The following FER variants were observed in gnomAD, a reference collection of about 807,000 sequenced individuals.
The protein encoded by FER is tyrosine-protein kinase Fer.
In FER, 63 loss-of-function variants were observed where a neutral mutation model predicts 111.0. The ratio of observed to expected loss-of-function variants is 0.57; its 90% CI spans 0.46 to 0.70. The LOEUF is 0.70. Ranked by LOEUF, FER falls within the 30% of genes least tolerant of loss-of-function variation. The pLI is 0.00. For synonymous variants in FER, 327 were observed against 313.9 expected, an observed-to-expected ratio of 1.04 and a Z score of -0.44; for missense variants, 914 against 954.0, an observed-to-expected ratio of 0.96 and a Z score of 0.55.
intron 16 of FER, among the ~76,000 whole-genome samples, chr5:109,060,675 T>G (rs975105828): frequency 9.2e-5 from 14 of 151,788 alleles, no homozygotes; most frequent in Non-Finnish European, 7.4e-5. Context: ...AGAGTGAGAC[T>G]CTGTCTCCAA....
rs1759197964 is a variant in FER at position 109,189,285 on chromosome 5, A to G, written c.*1710A>G. On this transcript the variant is annotated 3_prime_UTR_variant, in exon 20 of 20. Transcript: ENST00000281092. ...GCTAAATATGTTCTGGAAGCCTTTT[A>G]TAAGTTCTCAGGCCTGTGTCCTGGT... 1.3e-5 allele frequency: 2 copies of G among 152,210 alleles called. No homozygotes were observed. Among genetic ancestry groups the G allele is most frequent in the African/African-American group, 4.8e-5 (2 of 41,448 alleles). 9.4% of individuals were successfully genotyped at this position (152,210 alleles called of 1,614,324 possible). A position where few individuals can be genotyped will look rare whatever the true frequency, so the allele number is the denominator to read the frequency against.
intron 1 of FER, among the ~76,000 whole-genome samples, chr5:108,751,036 T>C (rs1195519597): frequency 2.0e-5 from 3 of 151,882 alleles, no homozygotes; most frequent in South Asian, 2.1e-4. Flanking sequence ...CTAATAAAAA[T>C]ACAAAATTAG....
intron 13 of FER, among the ~76,000 whole-genome samples, chr5:108,990,960 C>A (rs1359827769): frequency 6.6e-6 from 1 of 151,404 alleles, no homozygotes; most frequent in Non-Finnish European, 1.5e-5. Context: ...AGAAATAAGG[C>A]TTTGTTGAGA....
intron 5 of FER, among the ~76,000 whole-genome samples, chr5:108,861,242 G>A (rs1046988901): frequency 6.6e-6 from 1 of 152,008 alleles, no homozygotes. Context: ...ACCATAATTC[G>A]CAAATGGCAA....
intron 2 of FER, among the ~76,000 whole-genome samples, chr5:108,774,949 C>T (rs1056145335): frequency 2.0e-5 from 3 of 152,062 alleles, no homozygotes. Context: ...TTGGCATTTT[C>T]ATCATGAAGT....
intron 17 of FER, among the ~76,000 whole-genome samples, chr5:109,165,593 GGTGTGTGTGT>G (rs66749153): frequency 0.1 from 14,800 of 142,246 alleles, 754 homozygotes; most frequent in Non-Finnish European, 0.13. Flanking sequence ...GGAGGGAACT[GGTGTGTGTGT>G]GTGTGTGTGT....
intron 10 of FER, among the ~76,000 whole-genome samples, chr5:108,905,556 T>G (rs768683901): frequency 2.1e-4 from 32 of 152,130 alleles, no homozygotes; most frequent in Admixed American, 3.9e-4. Context: ...CGCTTAATGA[T>G]TACTTACCAC....
At chr5:108,882,628 A>ATCTCTTTAAGT (rs1230817863) in intron 8 of FER, among the ~76,000 whole-genome samples, 2 of 151,808 alleles carry the variant, frequency 1.3e-5, no homozygotes, top group Admixed American at 1.3e-4. Flanking sequence ...TGACTTTATG[A>ATCTCTTTAAGT]TCTCTTTAAG....
intron 13 of FER, among the ~76,000 whole-genome samples, chr5:109,013,492 G>C (rs1184098328): frequency 1.3e-5 from 2 of 150,946 alleles, no homozygotes; most frequent in Non-Finnish European, 3.0e-5. Flanking sequence ...TTGGACATTT[G>C]GGTTGGTTCC....
intron 12 of FER, among the ~76,000 whole-genome samples, chr5:108,957,834 A>T (rs1365417183): frequency 6.6e-6 from 1 of 151,618 alleles, no homozygotes; most frequent in Non-Finnish European, 1.5e-5. Context: ...GGAGGTACAA[A>T]TATTATCTCT....
intron 17 of FER, among the ~76,000 whole-genome samples, chr5:109,145,436 T>A (rs1295871952): frequency 6.6e-6 from 1 of 152,108 alleles, no homozygotes; most frequent in East Asian, 1.9e-4. Context: ...TAAATTTACC[T>A]ACATATTATG....
intron 2 of FER, among the ~76,000 whole-genome samples, chr5:108,774,907 T>C (rs1753325376): frequency 6.6e-6 from 1 of 152,198 alleles, no homozygotes; most frequent in Non-Finnish European, 1.5e-5. Context: ...TTAGATCCCA[T>C]GTGTCAATTT....
intron 16 of FER, among the ~76,000 whole-genome samples, chr5:109,093,520 T>G (rs1747082845): frequency 6.6e-6 from 1 of 152,162 alleles, no homozygotes; most frequent in Admixed American, 6.6e-5. Context: ...AATAGTAAGA[T>G]TGTATGACAT....
At chr5:108,883,306 A>G (rs1765852931) in intron 8 of FER, 90 bp from the exon 9 acceptor site, 1 of 1,251,968 alleles carries the variant, frequency 8.0e-7, no homozygotes, top group Non-Finnish European at 1.1e-6. Context: ...TGTTTTGGAC[A>G]TTGCAACATA....
Position 109,193,994 on chromosome 5 carries a change from T to TC in FER, c.*6420dup, listed in dbSNP as rs935847923. 1.8e-4 allele frequency: 28 copies of TC among 152,252 alleles called. No homozygotes were observed. The highest frequency in any genetic ancestry group is 6.3e-4 in the African/African-American group (26 of 41,552). 9.4% of individuals were successfully genotyped at this position (152,252 alleles called of 1,614,324 possible). On this transcript the variant is annotated 3_prime_UTR_variant, in exon 20 of 20. Coordinates refer to ENST00000281092, the MANE Select transcript of FER (RefSeq NM_005246.4). Reference sequence around the variant, plus strand: ...CACACTTGTTAGATGACTAACACTATCAGTAGAAGCTCTTGAGAGATTTTC... The same window carrying TC: ...CACACTTGTTAGATGACTAACACTATCCAGTAGAAGCTCTTGAGAGATTTTC...
intron 17 of FER, among the ~76,000 whole-genome samples, chr5:109,116,304 AG>A (rs1750222150): frequency 6.6e-6 from 1 of 152,082 alleles, no homozygotes; most frequent in Non-Finnish European, 1.5e-5. Flanking sequence ...TACTGACTCT[AG>A]ACTTCAGTTA....
chr5:109,085,324 T>C (rs1408728811), intron 16 of FER, among the ~76,000 whole-genome samples: 1 of 151,734 alleles, frequency 6.6e-6, no homozygotes, highest in African/African-American at 2.4e-5. Flanking sequence ...TTATTTGTGG[T>C]TATAAAGGAT....
intron 17 of FER, among the ~76,000 whole-genome samples, chr5:109,128,871 C>T (rs1170844878): frequency 2.6e-5 from 4 of 151,828 alleles, no homozygotes; most frequent in Non-Finnish European, 5.9e-5. Context: ...ATTGAGAAAA[C>T]ATTGTAAAAT....
At chr5:108,988,053 T>G (rs1762772818) in intron 13 of FER, among the ~76,000 whole-genome samples, 1 of 152,230 alleles carries the variant, frequency 6.6e-6, no homozygotes, top group South Asian at 2.1e-4. Context: ...TGAGATGATG[T>G]GATTTCTGTT....
Sources: allele counts gnomAD v4.1 joint callset (sites outside exome capture counted in the v4.1 genomes callset), GRCh38; gene constraint gnomAD v4.1.1; transcripts MANE v1.5; gene names NCBI Gene and HGNC (gene_info 2026-07-23, HGNC 2026-07-21).